Variants in MMP24 observed in about 807,000 individuals in gnomAD.
MMP24 encodes matrix metallopeptidase 24.
In MMP24, 25 loss-of-function variants were observed where a neutral mutation model predicts 62.8. The ratio of observed to expected loss-of-function variants is 0.40; its 90% confidence interval spans 0.29 to 0.56. The LOEUF is 0.56. Among genes scored for constraint, MMP24 ranks in the 20% least tolerant of loss-of-function variants. MMP24 has a pLI of 0.50. For missense variants in MMP24, 634 were observed against 853.6 expected (o/e 0.74, Z 3.21); for synonymous variants, 319 against 350.5 (o/e 0.91, Z 1.00).
In MMP24 at chr20:35,226,773, G is replaced by GGCCGCC. The variant is rs577067524; in HGVS notation, c.55_60dup (p.Pro19_Pro20dup). The stretch of plus-strand genomic sequence containing the variant: ...AGCCGGGGCGGCCGCGCCGCGCCGG[G>GGCCGCC]GCCGCCGCCGCCGCCGCCGCCGCCG... On this transcript the variant is annotated inframe_insertion, in exon 1 of 9. Coordinates refer to ENST00000246186, the MANE Select transcript of MMP24 (RefSeq NM_006690.4). The GGCCGCC allele has an allele frequency of 6.7e-5, 57 of 854,870 alleles. No homozygotes were observed. In the South Asian group the frequency reaches 6.9e-4, roughly 10 times the overall value. The allele number at this position is 854,870 out of a possible 1,614,324, so 53.0% of individuals were successfully genotyped here. A position where few individuals can be genotyped will look rare whatever the true frequency, so the allele number is the denominator to read the frequency against.
chr20:35,272,121 C>G (rs1224559850), intron 8 of MMP24: 6 of 489,662 alleles, frequency 1.2e-5, no homozygotes, highest in Non-Finnish European at 1.8e-5. Flanking sequence ...TCAGTGTACT[C>G]CAGGGACGCC....
intron 6 of MMP24, among the ~76,000 whole-genome samples, chr20:35,268,190 C>A (rs1228024768): frequency 6.6e-6 from 1 of 152,140 alleles, no homozygotes; most frequent in Non-Finnish European, 1.5e-5. Context: ...ACATTATAAC[C>A]CCTACCTCAT....
intron 1 of MMP24, among the ~76,000 whole-genome samples, chr20:35,236,800 C>G (rs1482543120): frequency 6.6e-6 from 1 of 151,942 alleles, no homozygotes; most frequent in Non-Finnish European, 1.5e-5. Flanking sequence ...ATGGTGAAAC[C>G]CTGTCTCTAC....
rs112413609 is a variant in MMP24, at chr20:35,257,136, T to C, written c.817+2382T>C. ...GGATCACCTCCTTGAGAACACTTTA[T>C]ATCATCGCATGGATTAGGGATTGGC... On this transcript the variant is annotated intron_variant, in intron 4 of 8. Transcript: ENST00000246186. 2.5e-3 allele frequency among the ~76,000 whole-genome samples: 384 copies of C among 152,326 alleles called. 1 individual carries two copies. The highest frequency in any genetic ancestry group is 8.2e-3 in the African/African-American group (341 of 41,572).
In MMP24 at chr20:35,246,842, C is replaced by G; in HGVS notation, c.249C>G (p.Asn83Lys). 6.2e-7 allele frequency: 1 copy of G among 1,613,916 alleles called. No homozygotes were observed. ...DEAEAPFAGQ[N>K]WLKSYGYLLP... Reference sequence around the variant, plus strand: ...TTTTTCTTTCCCGTGTCTTTCAGAACTGGTTAAAGTCCTATGGCTATCTGC... The same window carrying G: ...TTTTTCTTTCCCGTGTCTTTCAGAAGTGGTTAAAGTCCTATGGCTATCTGC... Residue 83 changes from asparagine to lysine, a missense_variant and splice_region_variant, in exon 2 of 9, where the codon AAC (asparagine) becomes AAG (lysine). This residue lies in a region of MMP24 where 212 missense variants were observed against 259.6 expected (regional missense o/e 0.82). Coordinates refer to ENST00000246186, the MANE Select transcript of MMP24 (RefSeq NM_006690.4).
intron 1 of MMP24, among the ~76,000 whole-genome samples, chr20:35,233,184 A>G (rs1160838889): frequency 6.6e-6 from 1 of 152,170 alleles, no homozygotes; most frequent in Admixed American, 6.5e-5. Flanking sequence ...ATGTATAAAG[A>G]TCATTTGAGG....
In MMP24 at chr20:35,274,387, G is replaced by A. The variant is rs1369672578; in HGVS notation, c.1716G>A (p.Lys572=). ...ILRDWMGCNQ[K]EVERRKERRL... ...GTGACTGGATGGGCTGCAACCAGAAGGAGGTGGAGCGGCGGAAGGAGCGGC... is the reference window on the plus strand; with the variant it reads ...GTGACTGGATGGGCTGCAACCAGAAAGAGGTGGAGCGGCGGAAGGAGCGGC... Residue 572 remains lysine (K), a synonymous_variant, in exon 9 of 9, where the codon AAG becomes AAA. Coordinates refer to ENST00000246186, the MANE Select transcript of MMP24 (RefSeq NM_006690.4). The surrounding 1 kb of genome is among the most constrained non-coding windows in gnomAD (Gnocchi z 5.1). 1 of 1,614,022 alleles carries A rather than the reference G, an allele frequency of 6.2e-7. No homozygotes were observed. The highest frequency in any genetic ancestry group is 8.5e-7 in the Non-Finnish European group (1 of 1,179,902).
rs756836538 is a variant in MMP24 at position 35,273,395 on chromosome 20, T to TAAA, written c.1601-864_1601-862dup. On this transcript the variant is annotated intron_variant, in intron 8 of 8. Transcript: ENST00000246186. ...TAGGCAATGGAGTGAGACCTTGTCT[T>TAAA]AAAAAAAAAAAAAAAGGAAATAAAT... Among the ~76,000 whole-genome samples, 1,164 of 136,364 alleles carry TAAA rather than the reference T, an allele frequency of 8.5e-3. 8 individuals carry two copies. Among genetic ancestry groups the TAAA allele is most frequent in the African/African-American group, 0.03 (1,096 of 37,054 alleles). The allele number at this position is 136,364 out of a possible 152,430, so 89.5% of individuals were successfully genotyped here. A position where few individuals can be genotyped will look rare whatever the true frequency, so the allele number is the denominator to read the frequency against.
At chr20:35,261,921 C>A (rs1164696952) in intron 4 of MMP24, among the ~76,000 whole-genome samples, 2 of 151,630 alleles carry the variant, frequency 1.3e-5, no homozygotes, top group East Asian at 3.9e-4. Context: ...CTGCCTCTAC[C>A]TCCGGAGTAG....
At chr20:35,246,312 A>G (rs1464601569) in intron 1 of MMP24, among the ~76,000 whole-genome samples, 1 of 151,844 alleles carries the variant, frequency 6.6e-6, no homozygotes, top group Non-Finnish European at 1.5e-5. Context: ...AAAAAATACA[A>G]AAAATTTTAC....
intron 1 of MMP24, among the ~76,000 whole-genome samples, chr20:35,238,484 C>T (rs1485234821): frequency 6.6e-6 from 1 of 152,086 alleles, no homozygotes; most frequent in Non-Finnish European, 1.5e-5. Flanking sequence ...GGAGAGTGAA[C>T]TGAATAGAAG....
chr20:35,272,283 T>C (rs555752254), intron 8 of MMP24: 1 of 413,402 alleles, frequency 2.4e-6, no homozygotes, highest in Admixed American at 3.9e-5. Context: ...TCGCCTAGGC[T>C]GGAATGCTGT....
rs776966817 is a variant in MMP24, at chr20:35,276,970, A to G, written c.*2361A>G. 2 of 152,700 alleles carry G rather than the reference A, an allele frequency of 1.3e-5. No individual in the cohort carries two copies. Among genetic ancestry groups the G allele is most frequent in the Non-Finnish European group, 2.9e-5 (2 of 68,058 alleles). The allele number at this position is 152,700 out of a possible 1,614,324, so 9.5% of individuals were successfully genotyped here. A position where few individuals can be genotyped will look rare whatever the true frequency, so the allele number is the denominator to read the frequency against. ...TCAGCCTTTGTATAATGTTTTTTAA[A>G]TCATTTCTAAATAAAACAGAAATAC... On this transcript the variant is annotated 3_prime_UTR_variant, in exon 9 of 9. Coordinates refer to ENST00000246186, the MANE Select transcript of MMP24 (RefSeq NM_006690.4).
chr20:35,240,714 G>A (rs1379355104), intron 1 of MMP24, among the ~76,000 whole-genome samples: 1 of 152,162 alleles, frequency 6.6e-6, no homozygotes, highest in Non-Finnish European at 1.5e-5. Flanking sequence ...GGTGCTTTCA[G>A]TGTATTACTA....
chr20:35,270,278 G>A (rs887355702), intron 7 of MMP24, among the ~76,000 whole-genome samples: 2 of 152,230 alleles, frequency 1.3e-5, no homozygotes, highest in Non-Finnish European at 1.5e-5. Flanking sequence ...ACTGTGCTAG[G>A]TTGTTTCATG....
chr20:35,241,513 A>AC (rs2060488315), intron 1 of MMP24, among the ~76,000 whole-genome samples: 1 of 151,492 alleles, frequency 6.6e-6, no homozygotes, highest in African/African-American at 2.4e-5. Flanking sequence ...GCCCACCCCC[A>AC]CCATGTGTCT....
intron 1 of MMP24, among the ~76,000 whole-genome samples, chr20:35,245,599 C>T (rs2146210119): frequency 6.6e-6 from 1 of 152,016 alleles, no homozygotes; most frequent in East Asian, 1.9e-4. Flanking sequence ...CAGGTGTGCA[C>T]CACCACGACT....
intron 7 of MMP24, among the ~76,000 whole-genome samples, chr20:35,270,281 GT>G (rs113195472): frequency 5.3e-5 from 8 of 152,238 alleles, no homozygotes; most frequent in African/African-American, 1.9e-4. Context: ...GTGCTAGGTT[GT>G]TTCATGACAG....
intron 4 of MMP24, among the ~76,000 whole-genome samples, chr20:35,260,522 T>C (rs1034551465): frequency 2.6e-5 from 4 of 152,206 alleles, no homozygotes; most frequent in African/African-American, 9.6e-5. Flanking sequence ...GGTCATAGAA[T>C]AGCCCAGGAG....
Sources: gnomAD v4.1 joint callset for allele counts (sites outside exome capture counted in the v4.1 genomes callset) on GRCh38, gnomAD v4.1.1 for gene constraint, gnomAD v4.1.1 regional missense constraint, Gnocchi (gnomAD v3.1) non-coding constraint, MANE v1.5 for transcripts, NCBI Gene and HGNC (gene_info 2026-07-23, HGNC 2026-07-21) for gene names.